Variants in CORO2A observed in about 807,000 individuals in gnomAD.
The protein encoded by CORO2A is coronin-2A.
In CORO2A, 47 loss-of-function variants were observed where a neutral mutation model predicts 62.4. That is an observed-to-expected ratio of 0.75 (90% CI 0.60 to 0.96). The LOEUF is 0.96. Among genes scored for constraint, CORO2A ranks in the 40% least tolerant of loss-of-function variants. CORO2A has a pLI of 0.00. For missense variants in CORO2A, 610 were observed against 684.1 expected, an observed-to-expected ratio of 0.89 and a Z score of 1.21; for synonymous variants, 273 against 268.9, an observed-to-expected ratio of 1.02 and a Z score of -0.15.
chr9:98,163,858 C>A (rs186383092), intron 1 of CORO2A, among the ~76,000 whole-genome samples: 8 of 152,126 alleles, frequency 5.3e-5, no homozygotes, highest in Non-Finnish European at 1.0e-4. Context: ...CAAGGGTTAG[C>A]TGCAGGGTGG....
intron 4 of CORO2A, 96 bp downstream of exon 4, chr9:98,134,710 T>G (rs1827459870): frequency 1.4e-6 from 2 of 1,389,614 alleles, no homozygotes; most frequent in Non-Finnish European, 1.9e-6. Context: ...ATTTTCGATT[T>G]CTGGTCTCCA....
intron 1 of CORO2A, among the ~76,000 whole-genome samples, chr9:98,166,053 A>C (rs1463494613): frequency 6.6e-6 from 1 of 152,236 alleles, no homozygotes; most frequent in Non-Finnish European, 1.5e-5. Flanking sequence ...CACTACTTAT[A>C]AAGTGGCCTT....
chr9:98,186,908 C>T (rs1223645745), intron 1 of CORO2A, among the ~76,000 whole-genome samples: 1 of 152,172 alleles, frequency 6.6e-6, no homozygotes, highest in Admixed American at 6.5e-5. Context: ...CAGCAGCACT[C>T]CAGGCCTGGA....
intron 1 of CORO2A, among the ~76,000 whole-genome samples, chr9:98,175,930 A>G (rs1828104127): frequency 6.6e-6 from 1 of 152,224 alleles, no homozygotes; most frequent in Non-Finnish European, 1.5e-5. Flanking sequence ...TAAGTAAATA[A>G]TGGTAACCTT....
rs1235976914 is a variant in CORO2A, at chr9:98,124,823, T to C, written c.1529A>G (p.Gln510Arg). ...CAAGTTTTTGATCTCCAGTTCCAAC[T>C]GTTTGGCCTGGACCTCTCGCTGGGT... is the stretch of plus-strand genomic sequence containing the variant. Reference protein sequence around the residue: ...LLTQREVQAKQLELEIKNLRM... With the variant: ...LLTQREVQAKRLELEIKNLRM... Residue 510 changes from glutamine to arginine, a missense_variant, in exon 12 of 12, where the codon CAG (glutamine) becomes CGG (arginine). Transcript: ENST00000375077. 19 of 1,609,858 alleles carry C rather than the reference T, an allele frequency of 1.2e-5. No individual in the cohort carries two copies. Among genetic ancestry groups the C allele is most frequent in the Non-Finnish European group, 1.6e-5 (19 of 1,177,890 alleles).
intron 5 of CORO2A, 25 bp from the exon 6 acceptor site, chr9:98,132,326 T>C: frequency 6.3e-7 from 1 of 1,593,598 alleles, no homozygotes; most frequent in South Asian, 1.1e-5. Flanking sequence ...GCGGTCGGTA[T>C]TGGAGAGACA....
At chr9:98,183,820 G>C (rs142420124) in intron 1 of CORO2A, among the ~76,000 whole-genome samples, 1 of 152,278 alleles carries the variant, frequency 6.6e-6, no homozygotes, top group African/African-American at 2.4e-5. Flanking sequence ...AATTAGCTGG[G>C]TGTGGTAGTG....
intron 1 of CORO2A, among the ~76,000 whole-genome samples, chr9:98,180,713 GCCT>G (rs1473709881): frequency 6.6e-6 from 1 of 151,964 alleles, no homozygotes; most frequent in Non-Finnish European, 1.5e-5. Flanking sequence ...CCCACCTCCA[GCCT>G]CCTGTCACCT....
At chr9:98,187,282 CAAAAAA>C (rs60290184) in intron 1 of CORO2A, among the ~76,000 whole-genome samples, 3 of 66,540 alleles carry the variant, frequency 4.5e-5, no homozygotes, top group Non-Finnish European at 6.4e-5. Context: ...GACTCCATCT[CAAAAAA>C]AAAAAAAAAA....
At chr9:98,163,913 G>C (rs1246796501) in intron 1 of CORO2A, among the ~76,000 whole-genome samples, 1 of 152,158 alleles carries the variant, frequency 6.6e-6, no homozygotes, top group Non-Finnish European at 1.5e-5. Context: ...CATTATAATA[G>C]ATTATTCATT....
At chr9:98,157,888 C>T (rs1205159827) in intron 1 of CORO2A, among the ~76,000 whole-genome samples, 1 of 152,194 alleles carries the variant, frequency 6.6e-6, no homozygotes, top group East Asian at 1.9e-4. Flanking sequence ...TACTGACCTG[C>T]TTGCTGATGT....
At chr9:98,188,042 G>A (rs535175677) in intron 1 of CORO2A, among the ~76,000 whole-genome samples, 3 of 152,190 alleles carry the variant, frequency 2.0e-5, no homozygotes, top group Non-Finnish European at 4.4e-5. Context: ...GTCTAGCCCA[G>A]GGCCTGCCTG....
intron 1 of CORO2A, among the ~76,000 whole-genome samples, chr9:98,175,992 T>A (rs1252953242): frequency 1.3e-5 from 2 of 152,368 alleles, no homozygotes; most frequent in South Asian, 2.1e-4. Flanking sequence ...TTACCTGTAT[T>A]CATGGATTGA....
chr9:98,134,391 G>C (rs1011261673), intron 4 of CORO2A, among the ~76,000 whole-genome samples: 1 of 151,968 alleles, frequency 6.6e-6, no homozygotes, highest in Non-Finnish European at 1.5e-5. Context: ...AGTTGAACAG[G>C]GTTCCCCCCA....
At position 98,157,457 on chromosome 9, in the gene CORO2A, T is replaced by C. The variant is rs900239220; in HGVS notation, c.201+3A>G. The C allele has an allele frequency of 1.2e-6, 2 of 1,614,136 alleles. No homozygotes were observed. Among genetic ancestry groups the C allele is most frequent in the African/African-American group, 2.7e-5 (2 of 75,062 alleles). On this transcript the variant is annotated splice_donor_region_variant and intron_variant, in intron 2 of 11. Transcript: ENST00000375077. ...AGCTGTTTGGGCCTGGGGGTGTCCT[T>C]ACCTGGTGCAGGGGGATGACGAGGA...
chr9:98,165,529 C>T (rs1391941866), intron 1 of CORO2A, among the ~76,000 whole-genome samples: 2 of 152,218 alleles, frequency 1.3e-5, no homozygotes, highest in African/African-American at 4.8e-5. Flanking sequence ...ATGAATAATT[C>T]AGTCACTGCT....
intron 1 of CORO2A, among the ~76,000 whole-genome samples, chr9:98,189,065 T>C (rs541078547): frequency 4.6e-5 from 7 of 152,280 alleles, no homozygotes; most frequent in Admixed American, 2.0e-4. Context: ...CTCTCAATTA[T>C]AGTAAGGAGC....
At chr9:98,176,658 A>G (rs1828112697) in intron 1 of CORO2A, among the ~76,000 whole-genome samples, 1 of 152,124 alleles carries the variant, frequency 6.6e-6, no homozygotes. Context: ...TTGGTTGCCC[A>G]TGTGCTCCAA....
intron 1 of CORO2A, among the ~76,000 whole-genome samples, chr9:98,182,065 G>A (rs755132465): frequency 1.3e-5 from 2 of 152,030 alleles, no homozygotes; most frequent in Non-Finnish European, 2.9e-5. Context: ...TACTCTGCAC[G>A]CCCTTCACTC....
Sources: gnomAD v4.1 joint callset for allele counts (sites outside exome capture counted in the v4.1 genomes callset) on GRCh38, gnomAD v4.1.1 for gene constraint, MANE v1.5 for transcripts, NCBI Gene and HGNC (gene_info 2026-07-23, HGNC 2026-07-21) for gene names.